The following AGBL1 variants were observed in gnomAD, a reference collection of about 807,000 sequenced individuals.
AGBL1 encodes the protein AGBL carboxypeptidase 1, also known as cytosolic carboxypeptidase 4.
In AGBL1, 130 loss-of-function variants were observed where a neutral mutation model predicts 118.9. That is an observed-to-expected ratio of 1.09 (90% CI 0.95 to 1.26). AGBL1 has a LOEUF of 1.26. Ranked by LOEUF, AGBL1 falls within the 50% of genes most tolerant of loss-of-function variation. The pLI is 0.00. For synonymous variants in AGBL1, 555 were observed against 478.9 expected, an observed-to-expected ratio of 1.16 and a Z score of -2.08; for missense variants, 1,584 against 1,298.1, an observed-to-expected ratio of 1.22 and a Z score of -3.38.
At chr15:86,716,168 C>A (rs770979401) in intron 22 of AGBL1, among the ~76,000 whole-genome samples, 1 of 152,122 alleles carries the variant, frequency 6.6e-6, no homozygotes, top group African/African-American at 2.4e-5. Context: ...AGGGATTTCT[C>A]CTCCATTCCT....
At chr15:86,894,038 G>A (rs185251597) in intron 22 of AGBL1, among the ~76,000 whole-genome samples, 1 of 152,086 alleles carries the variant, frequency 6.6e-6, no homozygotes, top group Non-Finnish European at 1.5e-5. Context: ...TTTATATTTT[G>A]CCCCTACACC....
Position 86,159,117 on chromosome 15 carries a change from C to T in AGBL1, c.488+91C>T, listed in dbSNP as rs79019097. On this transcript the variant is annotated intron_variant, in intron 5 of 22. Coordinates refer to ENST00000614907, the MANE Select transcript of AGBL1 (RefSeq NM_001386094.1). Reference sequence around the variant, plus strand: ...ATGTATTTTCATGATGCTTCCAGCTCAGTTTAGTGGTCATTTCTCCTTTGG... The same window carrying T: ...ATGTATTTTCATGATGCTTCCAGCTTAGTTTAGTGGTCATTTCTCCTTTGG... The T allele has an allele frequency of 1.8e-3, 2,202 of 1,208,296 alleles. 30 individuals are homozygous for T. In the African/African-American group the frequency reaches 0.029, roughly 16 times the overall value. The allele number at this position is 1,208,296 out of a possible 1,614,324, so 74.8% of individuals were successfully genotyped here. A position where few individuals can be genotyped will look rare whatever the true frequency, so the allele number is the denominator to read the frequency against.
At chr15:86,715,099 G>A (rs1052208852) in intron 22 of AGBL1, among the ~76,000 whole-genome samples, 6 of 152,172 alleles carry the variant, frequency 3.9e-5, no homozygotes, top group Non-Finnish European at 8.8e-5. Flanking sequence ...CTTTTAGGAA[G>A]GGGAGATGTA....
At chr15:87,005,789 G>GT (rs1282065364) in intron 24 of AGBL1, among the ~76,000 whole-genome samples, 2 of 152,136 alleles carry the variant, frequency 1.3e-5, no homozygotes, top group Non-Finnish European at 2.9e-5. Flanking sequence ...AGAATTTTCA[G>GT]TTTTTCTGCT....
intron 17 of AGBL1, among the ~76,000 whole-genome samples, chr15:86,360,556 A>G (rs2080789960): frequency 6.6e-6 from 1 of 151,930 alleles, no homozygotes; most frequent in Non-Finnish European, 1.5e-5. Context: ...GCCTCATAAA[A>G]TGAGTTTGGA....
intron 18 of AGBL1, among the ~76,000 whole-genome samples, chr15:86,514,648 T>C (rs188739781): frequency 7.6e-4 from 116 of 152,188 alleles, no homozygotes; most frequent in African/African-American, 2.5e-3. Context: ...TAGACAAAAA[T>C]ATATGCTCAG....
rs573962074 is a variant in AGBL1, at chr15:86,342,950, C to T, written c.2374+47542C>T. ...TTCAAAGGAGAAAGCTCACATCAAA[C>T]TGGCAATGGGTTGTATAAGTTAAAT... is the stretch of plus-strand genomic sequence containing the variant. On this transcript the variant is annotated intron_variant, in intron 17 of 22. Transcript: ENST00000614907. Among the ~76,000 whole-genome samples, 118 of 152,290 alleles carry T rather than the reference C, an allele frequency of 7.7e-4. 2 individuals carry two copies. In the South Asian group the frequency reaches 0.023, roughly 30 times the overall value.
In AGBL1 at chr15:86,154,415, G is replaced by T. The variant is rs781466603; in HGVS notation, c.263-15G>T. The T allele has an allele frequency of 3.9e-5, 62 of 1,609,588 alleles. No homozygotes were observed. The East Asian group carries it at 1.3e-3, about 34-fold the overall frequency. On this transcript the variant is annotated splice_polypyrimidine_tract_variant and intron_variant, in intron 3 of 22. Transcript: ENST00000614907. ...ATGTGAAGTGCAACTAAGATAGATTGATTTGTGTTCTTAGATAAAAAGATT... is the reference window on the plus strand; with the variant it reads ...ATGTGAAGTGCAACTAAGATAGATTTATTTGTGTTCTTAGATAAAAAGATT...
chr15:86,774,179 C>G (rs538068952), intron 22 of AGBL1, among the ~76,000 whole-genome samples: 1 of 152,010 alleles, frequency 6.6e-6, no homozygotes, highest in Admixed American at 6.6e-5. Context: ...AACCTGAGCC[C>G]GATGCTGTAT....
At chr15:86,582,484 G>C (rs1030529223) in intron 21 of AGBL1, among the ~76,000 whole-genome samples, 4 of 152,160 alleles carry the variant, frequency 2.6e-5, no homozygotes, top group Non-Finnish European at 4.4e-5. Context: ...ACTAGAAATA[G>C]CATTTGACCC....
At chr15:86,893,546 C>T (rs751800952) in intron 22 of AGBL1, among the ~76,000 whole-genome samples, 20 of 152,058 alleles carry the variant, frequency 1.3e-4, no homozygotes, top group African/African-American at 1.9e-4. Flanking sequence ...AATGAAAAAT[C>T]AAAACAAAGA....
intron 7 of AGBL1, 93 bp from the exon 8 acceptor site, chr15:86,256,760 C>T: frequency 7.7e-7 from 1 of 1,299,646 alleles, no homozygotes; most frequent in Non-Finnish European, 1.1e-6. Flanking sequence ...GGAGACTGTG[C>T]TGTGTTACAG....
At chr15:86,835,642 G>C (rs1021438825) in intron 22 of AGBL1, among the ~76,000 whole-genome samples, 1 of 152,190 alleles carries the variant, frequency 6.6e-6, no homozygotes, top group African/African-American at 2.4e-5. Context: ...CACAGGGTGA[G>C]GGAATTTCCC....
chr15:86,185,749 C>T (rs1381155838), intron 5 of AGBL1, among the ~76,000 whole-genome samples: 2 of 147,240 alleles, frequency 1.4e-5, no homozygotes, highest in African/African-American at 5.0e-5. Flanking sequence ...CACACTGGGG[C>T]CTGTCGTGGG....
At chr15:86,766,240 CTCTG>C (rs2078095288) in intron 22 of AGBL1, among the ~76,000 whole-genome samples, 1 of 151,910 alleles carries the variant, frequency 6.6e-6, no homozygotes, top group Non-Finnish European at 1.5e-5. Flanking sequence ...AGAGTTCATA[CTCTG>C]TCTCCCAGGG....
chr15:86,595,494 C>A (rs2084392822), intron 21 of AGBL1, among the ~76,000 whole-genome samples: 1 of 152,112 alleles, frequency 6.6e-6, no homozygotes, highest in African/African-American at 2.4e-5. Context: ...AATTCAAATT[C>A]TCTTGTCTTT....
At chr15:86,189,244 A>G (rs2077679115) in intron 5 of AGBL1, among the ~76,000 whole-genome samples, 4 of 152,180 alleles carry the variant, frequency 2.6e-5, no homozygotes, top group Admixed American at 2.0e-4. Context: ...CATCTGGAGA[A>G]CTTATGCACA....
At chr15:86,693,285 A>G (rs1343057383) in intron 22 of AGBL1, among the ~76,000 whole-genome samples, 1 of 151,854 alleles carries the variant, frequency 6.6e-6, no homozygotes, top group Non-Finnish European at 1.5e-5. Flanking sequence ...TTTTTTAATT[A>G]CAGCCACTCT....
At chr15:86,869,381 C>T (rs376010969) in intron 22 of AGBL1, among the ~76,000 whole-genome samples, 14 of 152,228 alleles carry the variant, frequency 9.2e-5, no homozygotes, top group South Asian at 6.2e-4. Flanking sequence ...GCCTCAGAGC[C>T]GCTCAACATC....
Sources: allele counts gnomAD v4.1 joint callset (sites outside exome capture counted in the v4.1 genomes callset), GRCh38; gene constraint gnomAD v4.1.1; transcripts MANE v1.5; gene names NCBI Gene and HGNC (gene_info 2026-07-23, HGNC 2026-07-21).